The following PDE11A variants were observed in gnomAD, a reference collection of about 807,000 sequenced individuals.
PDE11A encodes dual 3',5'-cyclic-AMP and -GMP phosphodiesterase 11A.
In PDE11A, 100 loss-of-function variants were observed where a neutral mutation model predicts 100.5. The observed-to-expected ratio is 1.00, with a 90% CI of 0.85 to 1.18. The LOEUF (loss-of-function observed/expected upper bound fraction) is 1.18, where lower values mean the gene tolerates loss of function less well. PDE11A is among the 50% of genes most tolerant of loss of function. The probability of loss-of-function intolerance (pLI) is 0.00; values close to 1 mark genes in which losing one functional copy is unlikely to be tolerated. For missense variants in PDE11A, 1,141 were observed against 1,152.6 expected (o/e 0.99, Z 0.15); for synonymous variants, 381 against 420.8 (o/e 0.91, Z 1.16).
intron 9 of PDE11A, among the ~76,000 whole-genome samples, chr2:177,816,252 C>T (rs764915917): frequency 2.6e-5 from 4 of 151,910 alleles, no homozygotes; most frequent in Non-Finnish European, 5.9e-5. Flanking sequence ...TAGAAAAAAA[C>T]GAGTCTTGAG....
intron 1 of PDE11A, among the ~76,000 whole-genome samples, chr2:178,067,387 C>T (rs1036878982): frequency 3.3e-5 from 5 of 152,208 alleles, no homozygotes; most frequent in Non-Finnish European, 7.3e-5. Context: ...TTTGTCCTCA[C>T]CTTACTTTTG....
At chr2:177,963,385 C>T (rs545910931) in intron 2 of PDE11A, among the ~76,000 whole-genome samples, 2 of 152,186 alleles carry the variant, frequency 1.3e-5, no homozygotes, top group Admixed American at 6.5e-5. Flanking sequence ...GTGACCTACA[C>T]TCCTCCATGG....
At chr2:177,632,427 C>G (rs2079965727) in intron 19 of PDE11A, among the ~76,000 whole-genome samples, 1 of 152,148 alleles carries the variant, frequency 6.6e-6, no homozygotes, top group African/African-American at 2.4e-5. Flanking sequence ...CTCCTTTCTT[C>G]TCTCCTCTTA....
intron 9 of PDE11A, among the ~76,000 whole-genome samples, chr2:177,769,886 A>G (rs1400820611): frequency 2.7e-5 from 1 of 36,772 alleles, no homozygotes; most frequent in African/African-American, 2.4e-4. Flanking sequence ...AGACCCTATC[A>G]AAAAAAAAAA....
chr2:177,739,109 G>A (rs757835939), intron 10 of PDE11A, among the ~76,000 whole-genome samples: 1 of 152,212 alleles, frequency 6.6e-6, no homozygotes, highest in African/African-American at 2.4e-5. Context: ...CAAGCCTCAA[G>A]GCCTGTGAAA....
intron 5 of PDE11A, among the ~76,000 whole-genome samples, chr2:177,845,097 A>G (rs1471174915): frequency 1.3e-5 from 2 of 151,546 alleles, no homozygotes; most frequent in African/African-American, 2.4e-5. Context: ...GGGGCTCCTC[A>G]CTTCCCAGTA....
intron 1 of PDE11A, among the ~76,000 whole-genome samples, chr2:178,033,202 T>C (rs941368658): frequency 6.6e-6 from 1 of 152,186 alleles, no homozygotes; most frequent in Non-Finnish European, 1.5e-5. Context: ...GAGAGGAACA[T>C]AAATGACCTA....
At chr2:177,644,422 A>G (rs778059815) in intron 19 of PDE11A, among the ~76,000 whole-genome samples, 1 of 152,250 alleles carries the variant, frequency 6.6e-6, no homozygotes, top group African/African-American at 2.4e-5. Flanking sequence ...TCAGACTTGC[A>G]TGGGGCCTTT....
chr2:177,834,097 T>G (rs1476340578), intron 6 of PDE11A, among the ~76,000 whole-genome samples: 2 of 152,056 alleles, frequency 1.3e-5, no homozygotes, highest in Non-Finnish European at 2.9e-5. Context: ...TGCTGAGAGG[T>G]TTCTTTTCAC....
intron 10 of PDE11A, among the ~76,000 whole-genome samples, chr2:177,735,227 TA>T (rs2081759812): frequency 6.6e-6 from 1 of 152,174 alleles, no homozygotes; most frequent in East Asian, 1.9e-4. Context: ...AAACTGTCAT[TA>T]AACCTCAGCT....
At chr2:178,035,730 A>C (rs1235968599) in intron 1 of PDE11A, among the ~76,000 whole-genome samples, 1 of 152,234 alleles carries the variant, frequency 6.6e-6, no homozygotes, top group Non-Finnish European at 1.5e-5. Flanking sequence ...AACATACACA[A>C]ATCAATAAAT....
intron 14 of PDE11A, among the ~76,000 whole-genome samples, chr2:177,699,492 T>C (rs1490970432): frequency 6.6e-6 from 1 of 152,208 alleles, no homozygotes; most frequent in Non-Finnish European, 1.5e-5. Context: ...TTGCAATCAG[T>C]TTATTGTTTA....
chr2:177,791,334 C>T (rs1397908201), intron 9 of PDE11A, among the ~76,000 whole-genome samples: 1 of 136,146 alleles, frequency 7.3e-6, no homozygotes, highest in Non-Finnish European at 1.5e-5. Context: ...GGGAATTGAA[C>T]AATGAGAACA....
At chr2:177,922,694 C>G (rs946933528) in intron 2 of PDE11A, 1 of 985,324 alleles carries the variant, frequency 1.0e-6, no homozygotes. Flanking sequence ...CACCCCCACT[C>G]CAATCCAAGC....
chr2:177,825,652 G>C, intron 6 of PDE11A, among the ~76,000 whole-genome samples: 1 of 152,238 alleles, frequency 6.6e-6, no homozygotes, highest in African/African-American at 2.4e-5. Context: ...TCCAAACAGG[G>C]AGAAAGAGTA....
chr2:177,857,114 G>A (rs1213251082), intron 5 of PDE11A, among the ~76,000 whole-genome samples: 3 of 151,918 alleles, frequency 2.0e-5, no homozygotes, highest in Admixed American at 2.0e-4. Flanking sequence ...TCCATGATCA[G>A]AAACTATAAG....
In PDE11A at chr2:178,018,425, G is replaced by C. The variant is rs1233510292; in HGVS notation, c.913-3965C>G. On this transcript the variant is annotated intron_variant, in intron 1 of 19. Transcript: ENST00000286063. ...CTTTGTGATTTCAACTATCATGATG[G>C]GGGCATCTGGAAAGCTGTTGCCATG... 6 of 457,418 alleles carry C rather than the reference G, an allele frequency of 1.3e-5. 1 individual carries two copies. Among genetic ancestry groups the C allele is most frequent in the Admixed American group, 2.4e-5 (1 of 41,868 alleles). The allele number at this position is 457,418 out of a possible 1,614,324, so 28.3% of individuals were successfully genotyped here.
intron 2 of PDE11A, among the ~76,000 whole-genome samples, chr2:177,964,070 T>C (rs1359291955): frequency 6.6e-6 from 1 of 152,196 alleles, no homozygotes; most frequent in Non-Finnish European, 1.5e-5. Context: ...TTAATTTCTA[T>C]TATTTTCCAG....
intron 2 of PDE11A, among the ~76,000 whole-genome samples, chr2:177,964,029 A>T (rs992489281): frequency 3.3e-5 from 5 of 152,306 alleles, no homozygotes; most frequent in East Asian, 1.9e-4. Context: ...ATCCTCAATA[A>T]TGGCTGTTTT....
Sources: allele counts gnomAD v4.1 joint callset (sites outside exome capture counted in the v4.1 genomes callset), GRCh38; gene constraint gnomAD v4.1.1; transcripts MANE v1.5; gene names NCBI Gene and HGNC (gene_info 2026-07-23, HGNC 2026-07-21).